SPG21: variants seen among roughly 807,000 people sequenced by gnomAD.
SPG21 encodes maspardin.
A neutral mutation model predicts 38.9 loss-of-function variants in SPG21; 26 were observed. That is an observed-to-expected ratio of 0.67 (90% CI 0.49 to 0.93). The LOEUF is 0.93. Ranked by LOEUF, SPG21 falls within the 40% of genes least tolerant of loss-of-function variation. SPG21 has a pLI of 0.00. For missense variants in SPG21, 333 were observed against 376.5 expected (o/e 0.88, Z 0.96); for synonymous variants, 136 against 128.9 (o/e 1.05, Z -0.37).
In SPG21 at chr15:64,969,276, GTCCCGAATT is replaced by G. The variant is rs766502794; in HGVS notation, c.639_647del (p.Lys213_Asp216delinsAsn). ...TTACATCCATAATAGTTACAGGTAT[GTCCCGAATT>G]TTATGAGGTTCCACATAAGAATTTT... On this transcript the variant is annotated inframe_deletion, in exon 7 of 9. Coordinates refer to ENST00000204566, the MANE Select transcript of SPG21 (RefSeq NM_016630.7). 1.9e-6 allele frequency: 3 copies of G among 1,612,916 alleles called. No individual in the cohort carries two copies. The highest frequency in any genetic ancestry group is 2.5e-6 in the Non-Finnish European group (3 of 1,178,908).
At chr15:64,983,994 G>C (rs2085937872) in intron 1 of SPG21, among the ~76,000 whole-genome samples, 1 of 152,102 alleles carries the variant, frequency 6.6e-6, no homozygotes, top group Admixed American at 6.5e-5. Context: ...ATGTTGGCCA[G>C]GCTGGTCTCG....
intron 1 of SPG21, among the ~76,000 whole-genome samples, chr15:64,987,805 CAGGTGGATCACCTG>C (rs924890574): frequency 2.0e-5 from 3 of 152,152 alleles, no homozygotes; most frequent in Non-Finnish European, 2.9e-5. Context: ...GAGGCTGAGG[CAGGTGGATCACCTG>C]AGGTCAGGAG....
chr15:64,969,011 G>C (rs751617260), intron 7 of SPG21, among the ~76,000 whole-genome samples: 2 of 152,014 alleles, frequency 1.3e-5, no homozygotes, highest in Non-Finnish European at 2.9e-5. Context: ...CAAAGCGCTG[G>C]GATTACAGGC....
Position 64,971,812 on chromosome 15 carries a change from C to G in SPG21, c.453-1590G>C, listed in dbSNP as rs1291711065. Among the ~76,000 whole-genome samples, 8 of 152,194 alleles carry G rather than the reference C, an allele frequency of 5.3e-5. 1 individual carries two copies. The highest frequency in any genetic ancestry group is 1.7e-4 in the African/African-American group (7 of 41,444). On this transcript the variant is annotated intron_variant, in intron 5 of 8. Transcript: ENST00000204566. ...TGCCACTGCACTCCAGCCTGGGCAA[C>G]AGAGCGAGACTCCCATCTCAAAAAA...
In SPG21 at chr15:64,980,860, T is replaced by C; in HGVS notation, c.225+4A>G. ...GGGTCTGAATTTTAATCAGTAATAC[T>C]TACAGCGATAACCCGGTAACCCCAT... On this transcript the variant is annotated splice_donor_region_variant and intron_variant, in intron 3 of 8. Transcript: ENST00000204566. 1 of 1,611,786 alleles carries C rather than the reference T, an allele frequency of 6.2e-7. No homozygotes were observed. The highest frequency in any genetic ancestry group is 8.5e-7 in the Non-Finnish European group (1 of 1,179,700).
intron 5 of SPG21, among the ~76,000 whole-genome samples, chr15:64,974,191 G>C (rs1203233377): frequency 6.6e-6 from 1 of 152,194 alleles, no homozygotes; most frequent in East Asian, 1.9e-4. Context: ...AAAGAGCCGG[G>C]CACAGTGGCT....
chr15:64,977,849 G>A (rs2085812009), intron 3 of SPG21, among the ~76,000 whole-genome samples: 1 of 151,230 alleles, frequency 6.6e-6, no homozygotes. Context: ...TTGAACTGGG[G>A]TCTCGCTCTG....
At chr15:64,968,167 G>GT (rs1371279853) in intron 7 of SPG21, among the ~76,000 whole-genome samples, 1 of 151,978 alleles carries the variant, frequency 6.6e-6, no homozygotes, top group Non-Finnish European at 1.5e-5. Context: ...GGGCAACATG[G>GT]TGAAACCCCA....
chr15:64,965,121 A>T (rs2085516763), intron 8 of SPG21, among the ~76,000 whole-genome samples, 199 bp downstream of exon 8: 2 of 152,176 alleles, frequency 1.3e-5, no homozygotes, highest in Non-Finnish European at 2.9e-5. Context: ...GTGGCCAGAG[A>T]GTCACTGGGG....
At chr15:64,984,749 TCC>T (rs1253693730) in intron 1 of SPG21, among the ~76,000 whole-genome samples, 1 of 134,652 alleles carries the variant, frequency 7.4e-6, no homozygotes, top group African/African-American at 2.7e-5. Flanking sequence ...CACATGTAGT[TCC>T]CTTTTTTTTT....
chr15:64,986,243 G>A (rs528984849), intron 1 of SPG21, among the ~76,000 whole-genome samples: 11 of 152,144 alleles, frequency 7.2e-5, no homozygotes, highest in African/African-American at 1.7e-4. Flanking sequence ...GCGCACGCCC[G>A]TAGTCCCAGC....
intron 3 of SPG21, among the ~76,000 whole-genome samples, chr15:64,979,332 C>T (rs2085842915): frequency 6.6e-6 from 1 of 152,070 alleles, no homozygotes; most frequent in Non-Finnish European, 1.5e-5. Context: ...TCAACAGGGG[C>T]CACCAAAAAT....
rs2085633387 is a variant in SPG21, at chr15:64,970,157, A to G, written c.518T>C (p.Val173Ala). The change falls in exon 6 of 9, where the codon GTG becomes GCG. Residue 173 changes from valine to alanine, a missense_variant. By Grantham distance (64) the Val-to-Ala change is moderately conservative (BLOSUM62 0). Transcript: ENST00000204566. ...IVLGNFSSGP[V>A]DPMMADAIDF... ...AATGGCATCAGCCATCATAGGGTCC[A>G]CCGGGCCAGATGAAAAATTTCCAAG... 12 of 1,614,180 alleles carry G rather than the reference A, an allele frequency of 7.4e-6. No homozygotes were observed. In the East Asian group the frequency reaches 1.8e-4, roughly 24 times the overall value.
At chr15:64,968,354 AAAAAAGAAAG>A in intron 7 of SPG21, among the ~76,000 whole-genome samples, 1 of 151,634 alleles carries the variant, frequency 6.6e-6, no homozygotes, top group East Asian at 1.9e-4. Flanking sequence ...AAAAAAAAAA[AAAAAAGAAAG>A]AAATGACATT....
At chr15:64,983,410 C>T in intron 2 of SPG21, 97 bp downstream of exon 2, 3 of 871,816 alleles carry the variant, frequency 3.4e-6, no homozygotes, top group Admixed American at 2.0e-5. Flanking sequence ...TCGGCAGTAA[C>T]CTTTACTCTC....
chr15:64,981,416 A>G (rs28480981), intron 2 of SPG21: 7,492 of 227,290 alleles, frequency 0.033, 613 homozygotes, highest in African/African-American at 0.16. Flanking sequence ...CAGCCTCCCA[A>G]GTAGCTGGGA....
Position 64,963,387 on chromosome 15 carries a change from C to G in SPG21, c.*233G>C. ...TTTGCACGGTTCTTAAAATGGGAGTCTTCAAAAGTACTTCTTCAAATTCAA... is the reference window on the plus strand; with the variant it reads ...TTTGCACGGTTCTTAAAATGGGAGTGTTCAAAAGTACTTCTTCAAATTCAA... On this transcript the variant is annotated 3_prime_UTR_variant, in exon 9 of 9. Coordinates refer to ENST00000204566, the MANE Select transcript of SPG21 (RefSeq NM_016630.7). The G allele has an allele frequency of 2.0e-6, 1 of 500,830 alleles. No homozygotes were observed. The highest frequency in any genetic ancestry group is 3.6e-6 in the Non-Finnish European group (1 of 280,082). 31.0% of individuals were successfully genotyped at this position (500,830 alleles called of 1,614,324 possible).
chr15:64,974,847 T>C, intron 4 of SPG21, 100 bp from the exon 5 acceptor site: 1 of 1,343,664 alleles, frequency 7.4e-7, no homozygotes, highest in Non-Finnish European at 1.1e-6. Context: ...CAGAATATGT[T>C]ATCACTAGCC....
chr15:64,983,740 G>A, intron 1 of SPG21, 147 bp from the exon 2 acceptor site: 1 of 559,188 alleles, frequency 1.8e-6, no homozygotes, highest in Non-Finnish European at 3.2e-6. Context: ...TCCAACTACA[G>A]AAAACAATTT....
Sources: gnomAD v4.1 joint callset for allele counts (sites outside exome capture counted in the v4.1 genomes callset) on GRCh38, gnomAD v4.1.1 for gene constraint, MANE v1.5 for transcripts, NCBI Gene and HGNC (gene_info 2026-07-23, HGNC 2026-07-21) for gene names.